Variants in PRKN observed in about 807,000 individuals in gnomAD.
The protein encoded by PRKN is E3 ubiquitin-protein ligase parkin.
Under a neutral mutation model 59.5 loss-of-function variants are expected in PRKN, and 56 were observed. That is an observed-to-expected ratio of 0.94 (90% CI 0.76 to 1.18). The LOEUF is 1.18. Among genes scored for constraint, PRKN ranks in the 50% most tolerant of loss-of-function variants. PRKN has a pLI of 0.00. For synonymous variants in PRKN, 250 were observed against 222.1 expected (o/e 1.13, Z -1.12); for missense variants, 657 against 596.4 (o/e 1.10, Z -1.06).
chr6:161,553,419 G>T (rs114757997), intron 8 of PRKN, among the ~76,000 whole-genome samples: 306 of 139,812 alleles, frequency 2.2e-3, no homozygotes, highest in African/African-American at 7.7e-3. Flanking sequence ...TCCTTTTTTG[G>T]TCCCTCCCTC....
At chr6:162,638,739 C>CTTTT (rs370517141) in intron 1 of PRKN, among the ~76,000 whole-genome samples, 2 of 99,660 alleles carry the variant, frequency 2.0e-5, no homozygotes, top group South Asian at 3.9e-4. Flanking sequence ...CTAACTATCC[C>CTTTT]TTTTTTTTTT....
intron 4 of PRKN, among the ~76,000 whole-genome samples, chr6:162,069,574 C>G (rs1302004783): frequency 6.6e-6 from 1 of 152,112 alleles, no homozygotes; most frequent in Non-Finnish European, 1.5e-5. Context: ...TCCTTTCTAA[C>G]TTGAATTTAT....
At chr6:162,345,401 T>G (rs1784354705) in intron 2 of PRKN, among the ~76,000 whole-genome samples, 1 of 152,188 alleles carries the variant, frequency 6.6e-6, no homozygotes, top group African/African-American at 2.4e-5. Flanking sequence ...CCTTTTCAAG[T>G]AAAGATAATG....
intron 4 of PRKN, among the ~76,000 whole-genome samples, chr6:162,115,921 A>G (rs1780651234): frequency 6.6e-6 from 1 of 152,228 alleles, no homozygotes; most frequent in Admixed American, 6.5e-5. Context: ...TACACTCTCC[A>G]CAGCATCTTT....
In PRKN at chr6:161,724,061, T is replaced by A. The variant is rs572942500; in HGVS notation, c.871+61711A>T. The stretch of plus-strand genomic sequence containing the variant: ...AGATGTTTCAGCAACATTTCTCCAT[T>A]CAGTGATGCTGGGGGAAGTAGAGCT... On this transcript the variant is annotated intron_variant, in intron 7 of 11. Coordinates refer to ENST00000366898, the MANE Select transcript of PRKN (RefSeq NM_004562.3). 4.8e-3 allele frequency among the ~76,000 whole-genome samples: 730 copies of A among 152,270 alleles called. 4 individuals are homozygous for A. The highest frequency in any genetic ancestry group is 0.016 in the African/African-American group (653 of 41,550).
intron 2 of PRKN, among the ~76,000 whole-genome samples, chr6:162,428,019 A>G (rs1279634879): frequency 6.6e-6 from 1 of 152,084 alleles, no homozygotes. Flanking sequence ...GCCCACTAGT[A>G]TTTGTCATAT....
intron 1 of PRKN, among the ~76,000 whole-genome samples, chr6:162,723,133 C>T (rs1455905797): frequency 6.6e-6 from 1 of 152,118 alleles, no homozygotes; most frequent in African/African-American, 2.4e-5. Context: ...ATGGTGAAGT[C>T]GGAATATACA....
intron 1 of PRKN, among the ~76,000 whole-genome samples, chr6:162,688,869 T>C (rs906207766): frequency 6.6e-6 from 1 of 152,166 alleles, no homozygotes; most frequent in Non-Finnish European, 1.5e-5. Context: ...TTTACTTTTT[T>C]CCCCCCAGTT....
At chr6:161,909,441 T>TA (rs562804523) in intron 6 of PRKN, among the ~76,000 whole-genome samples, 8 of 151,448 alleles carry the variant, frequency 5.3e-5, no homozygotes, top group Non-Finnish European at 7.4e-5. Flanking sequence ...TTCTTTTGAT[T>TA]AAAAAAAAAG....
At chr6:162,432,580 A>C (rs1255593934) in intron 2 of PRKN, among the ~76,000 whole-genome samples, 1 of 152,206 alleles carries the variant, frequency 6.6e-6, no homozygotes, top group Non-Finnish European at 1.5e-5. Context: ...ATACAAACAC[A>C]AAAAGATTAG....
At position 161,945,567 on chromosome 6, in the gene PRKN, C is replaced by T. The variant is rs556383029; in HGVS notation, c.734+27735G>A. Among the ~76,000 whole-genome samples, 15 of 152,260 alleles carry T rather than the reference C, an allele frequency of 9.9e-5. No homozygotes were observed. The South Asian group carries it at 3.1e-3, about 32-fold the overall frequency. ...CTCGTTATGTTGCATTCAAAGCCTT[C>T]TAGGACTTAACAGTAACCTATCTTT... is the stretch of plus-strand genomic sequence containing the variant. On this transcript the variant is annotated intron_variant, in intron 6 of 11. Transcript: ENST00000366898.
Position 161,359,705 on chromosome 6 carries a change from C to T in PRKN, c.1285+383G>A, listed in dbSNP as rs974427720. 2.6e-5 allele frequency among the ~76,000 whole-genome samples: 4 copies of T among 152,068 alleles called. No individual in the cohort carries two copies. The highest frequency in any genetic ancestry group is 1.9e-4 in the East Asian group (1 of 5,192). On this transcript the variant is annotated intron_variant, in intron 11 of 11. Transcript: ENST00000366898. This position sits in a 1 kb window ranked among gnomAD's most constrained non-coding sequence, Gnocchi z 5.4. ...CTGGGGAAGGCTACAGACTGACGGC[C>T]GGCAGACAACAGGGTCATACGGTGC...
intron 3 of PRKN, among the ~76,000 whole-genome samples, chr6:162,219,319 G>C (rs567849574): frequency 6.6e-6 from 1 of 152,122 alleles, no homozygotes; most frequent in Non-Finnish European, 1.5e-5. Context: ...ATCTAATACT[G>C]CATAGGTGAC....
At chr6:161,955,704 GC>G (rs1227607704) in intron 6 of PRKN, among the ~76,000 whole-genome samples, 1 of 152,088 alleles carries the variant, frequency 6.6e-6, no homozygotes, top group African/African-American at 2.4e-5. Context: ...TACAAAATTA[GC>G]CAGGCATGGT....
intron 1 of PRKN, among the ~76,000 whole-genome samples, chr6:162,544,237 C>T (rs965043283): frequency 1.3e-5 from 2 of 152,070 alleles, no homozygotes; most frequent in African/African-American, 4.8e-5. Context: ...TAACACAACC[C>T]TGAGGACACA....
At position 161,545,514 on chromosome 6, in the gene PRKN, G is replaced by T; in HGVS notation, c.1083+3340C>A. On this transcript the variant is annotated intron_variant, in intron 9 of 11. Transcript: ENST00000366898. This position sits in a 1 kb window ranked among gnomAD's most constrained non-coding sequence, Gnocchi z 4.1. ...TTTGGCCATGTTCTACTTCTGAAAT[G>T]ACATAATCTAACCACAATTTCTTCC... 1.9e-6 allele frequency: 2 copies of T among 1,062,060 alleles called. No homozygotes were observed. The highest frequency in any genetic ancestry group is 1.3e-5 in the South Asian group (1 of 76,510). The allele number at this position is 1,062,060 out of a possible 1,614,324, so 65.8% of individuals were successfully genotyped here.
At chr6:161,829,103 G>C (rs551715828) in intron 6 of PRKN, among the ~76,000 whole-genome samples, 1 of 152,122 alleles carries the variant, frequency 6.6e-6, no homozygotes, top group African/African-American at 2.4e-5. Context: ...GCATGTGCCT[G>C]TAATCCCAGC....
At chr6:161,822,419 T>C (rs1792069775) in intron 6 of PRKN, among the ~76,000 whole-genome samples, 1 of 152,198 alleles carries the variant, frequency 6.6e-6, no homozygotes. Flanking sequence ...CTCACGCCTG[T>C]AATCCCAGCA....
At chr6:162,610,244 T>A (rs1782091693) in intron 1 of PRKN, among the ~76,000 whole-genome samples, 1 of 152,174 alleles carries the variant, frequency 6.6e-6, no homozygotes, top group African/African-American at 2.4e-5. Flanking sequence ...ATGTAAATCA[T>A]CCAAGGTCAC....
Sources: gnomAD v4.1 joint callset for allele counts (sites outside exome capture counted in the v4.1 genomes callset) on GRCh38, gnomAD v4.1.1 for gene constraint, Gnocchi (gnomAD v3.1) non-coding constraint, MANE v1.5 for transcripts, NCBI Gene and HGNC (gene_info 2026-07-23, HGNC 2026-07-21) for gene names.